Variants in PDZD2 observed in about 807,000 individuals in gnomAD.
The protein encoded by PDZD2 is PDZ domain containing 2.
A neutral mutation model predicts 220.7 loss-of-function variants in PDZD2; 90 were observed. The observed-to-expected ratio is 0.41, with a 90% CI of 0.34 to 0.49. PDZD2 has a LOEUF of 0.49. Among genes scored for constraint, PDZD2 ranks in the 20% least tolerant of loss-of-function variants. The pLI is 0.28. For synonymous variants in PDZD2, 1,375 were observed against 1,450.5 expected (o/e 0.95, Z 1.18); for missense variants, 3,174 against 3,608.5 (o/e 0.88, Z 3.08).
rs767212210 is a variant in PDZD2, at chr5:32,087,357, C to T, written c.3909C>T (p.Ser1303=). 1.9e-6 allele frequency: 3 copies of T among 1,614,038 alleles called. No homozygotes were observed. The highest frequency in any genetic ancestry group is 2.2e-5 in the East Asian group (1 of 44,872). The change falls in exon 20 of 25, where the codon AGC becomes AGT. Residue 1303 remains serine, a synonymous_variant. Coordinates refer to ENST00000438447, the MANE Select transcript of PDZD2 (RefSeq NM_178140.4). The surrounding 1 kb of genome is among the most constrained non-coding windows in gnomAD (Gnocchi z 4.0). ...GEKAAAPPDY[S]KTRSASETST... ...AAGCAGCGGCTCCCCCTGACTACAG[C>T]AAGACTCGATCAGCATCGGAAACCA...
At chr5:31,912,144 T>G (rs1400048918) in intron 2 of PDZD2, among the ~76,000 whole-genome samples, 1 of 152,206 alleles carries the variant, frequency 6.6e-6, no homozygotes, top group African/African-American at 2.4e-5. Flanking sequence ...ATGAGACGGC[T>G]TATAAGTAAC....
intron 2 of PDZD2, among the ~76,000 whole-genome samples, chr5:31,856,418 CAAAAG>C (rs947995100): frequency 1.6e-4 from 25 of 151,524 alleles, no homozygotes; most frequent in African/African-American, 4.9e-4. Flanking sequence ...GGGCCACAAA[CAAAAG>C]AAACAAGAAA....
intron 2 of PDZD2, among the ~76,000 whole-genome samples, chr5:31,938,477 T>A (rs1300464348): frequency 1.3e-5 from 2 of 152,174 alleles, no homozygotes; most frequent in Non-Finnish European, 2.9e-5. Flanking sequence ...TCTTTCCTGG[T>A]TTATGAACCT....
chr5:31,889,834 A>G (rs1740846558), intron 2 of PDZD2, among the ~76,000 whole-genome samples: 1 of 152,136 alleles, frequency 6.6e-6, no homozygotes. Flanking sequence ...AGCTTGGCCA[A>G]CATGGTGAAA....
At chr5:32,036,102 C>G (rs1755525999) in intron 6 of PDZD2, among the ~76,000 whole-genome samples, 1 of 152,116 alleles carries the variant, frequency 6.6e-6, no homozygotes, top group African/African-American at 2.4e-5. Context: ...CGCCACCATG[C>G]CCGGCTAATT....
intron 6 of PDZD2, among the ~76,000 whole-genome samples, chr5:32,018,968 G>C (rs1479544217): frequency 6.6e-6 from 1 of 152,104 alleles, no homozygotes; most frequent in Non-Finnish European, 1.5e-5. Context: ...GAAGAAAGGA[G>C]ATAAGAGTAG....
chr5:32,068,005 G>A (rs1223686437), intron 14 of PDZD2, among the ~76,000 whole-genome samples: 2 of 152,102 alleles, frequency 1.3e-5, no homozygotes, highest in Admixed American at 6.6e-5. Context: ...ATTAATGACT[G>A]AAAAAAATTC....
chr5:31,739,551 A>G (rs1489949363), intron 1 of PDZD2, among the ~76,000 whole-genome samples: 1 of 152,232 alleles, frequency 6.6e-6, no homozygotes, highest in Non-Finnish European at 1.5e-5. Flanking sequence ...AAGTTAGCAG[A>G]AAATGGGATT....
chr5:31,739,181 G>A (rs1044491373), intron 1 of PDZD2, among the ~76,000 whole-genome samples: 6 of 152,058 alleles, frequency 3.9e-5, no homozygotes, highest in Non-Finnish European at 5.9e-5. Context: ...CCACCACACC[G>A]GGCCAAATAT....
rs149074871 is a variant in PDZD2, at chr5:32,000,344, CCACA to C, written c.1254+84_1254+87del. ...TTGGGGTTGAGCCCCACCTCCCATGCCACACACACACACAAAGACATGTGTGCAC... is the reference window on the plus strand; with the variant it reads ...TTGGGGTTGAGCCCCACCTCCCATGCCACACACACAAAGACATGTGTGCAC... On this transcript the variant is annotated intron_variant, in intron 5 of 24. Coordinates refer to ENST00000438447, the MANE Select transcript of PDZD2 (RefSeq NM_178140.4). This position sits in a 1 kb window ranked among gnomAD's most constrained non-coding sequence, Gnocchi z 4.5. 3.6e-6 allele frequency: 5 copies of C among 1,381,652 alleles called. No homozygotes were observed. Among genetic ancestry groups the C allele is most frequent in the Admixed American group, 3.5e-5 (2 of 56,444 alleles). 85.6% of individuals were successfully genotyped at this position (1,381,652 alleles called of 1,614,324 possible). A position where few individuals can be genotyped will look rare whatever the true frequency, so the allele number is the denominator to read the frequency against.
chr5:31,849,463 A>G (rs1757789838), intron 2 of PDZD2, among the ~76,000 whole-genome samples: 1 of 152,180 alleles, frequency 6.6e-6, no homozygotes. Context: ...AGTCATAGCT[A>G]TTATTATCAT....
chr5:31,777,026 C>T (rs547748534), intron 1 of PDZD2, among the ~76,000 whole-genome samples: 1 of 152,288 alleles, frequency 6.6e-6, no homozygotes, highest in African/African-American at 2.4e-5. Flanking sequence ...CTTCAGCCCA[C>T]CGCTGCACTG....
At position 31,898,593 on chromosome 5, in the gene PDZD2, G is replaced by A. The variant is rs546495088; in HGVS notation, c.477-84562G>A. ...TCCTTAGAGGCGCAGTACCACTGGT[G>A]TGCGTTGTTTGGTGTGAACTGTGCT... On this transcript the variant is annotated intron_variant, in intron 2 of 24. Coordinates refer to ENST00000438447, the MANE Select transcript of PDZD2 (RefSeq NM_178140.4). 5.9e-5 allele frequency among the ~76,000 whole-genome samples: 9 copies of A among 152,310 alleles called. No homozygotes were observed. The East Asian group carries it at 1.7e-3, about 29-fold the overall frequency.
chr5:31,908,489 C>T (rs1252221334), intron 2 of PDZD2: 3 of 1,024,240 alleles, frequency 2.9e-6, no homozygotes, highest in East Asian at 3.2e-5. Context: ...ACTGATGACT[C>T]GCTCATTGGT....
intron 6 of PDZD2, among the ~76,000 whole-genome samples, chr5:32,024,819 C>T (rs182370418): frequency 6.6e-6 from 1 of 152,312 alleles, no homozygotes; most frequent in Admixed American, 6.5e-5. Context: ...TCAGGCTTTG[C>T]TAGCCAAACA....
chr5:31,908,792 C>T, intron 2 of PDZD2: 1 of 748,118 alleles, frequency 1.3e-6, no homozygotes, highest in Non-Finnish European at 2.2e-6. Flanking sequence ...CGCCTATAAT[C>T]CCAGCACTTT....
At chr5:32,092,827 G>A (rs1743282289) in intron 20 of PDZD2, 80 bp from the exon 21 acceptor site, 1 of 684,418 alleles carries the variant, frequency 1.5e-6, no homozygotes, top group Non-Finnish European at 2.5e-6. Context: ...GTAGAAAGGA[G>A]ATCATTTTAA....
At chr5:31,897,826 T>G (rs1339055213) in intron 2 of PDZD2, among the ~76,000 whole-genome samples, 1 of 151,798 alleles carries the variant, frequency 6.6e-6, no homozygotes, top group African/African-American at 2.4e-5. Flanking sequence ...AACCTCTACC[T>G]CCCAGGTTCA....
At position 31,992,618 on chromosome 5, in the gene PDZD2, G is replaced by T. The variant is rs551778219; in HGVS notation, c.979-2958G>T. Among the ~76,000 whole-genome samples the T allele has an allele frequency of 2.6e-5, 4 of 152,274 alleles. No individual in the cohort carries two copies. The South Asian group carries it at 8.3e-4, about 32-fold the overall frequency. On this transcript the variant is annotated intron_variant, in intron 3 of 24. Coordinates refer to ENST00000438447, the MANE Select transcript of PDZD2 (RefSeq NM_178140.4). The stretch of plus-strand genomic sequence containing the variant: ...TTTAACAAAGAGGAGGGGAAAAGGA[G>T]AAAAGAATGGTGGTGTAAACTAGTA...
Sources: allele counts gnomAD v4.1 joint callset (sites outside exome capture counted in the v4.1 genomes callset), GRCh38; gene constraint gnomAD v4.1.1; non-coding constraint Gnocchi (gnomAD v3.1); transcripts MANE v1.5; gene names NCBI Gene and HGNC (gene_info 2026-07-23, HGNC 2026-07-21).